The following ACBD6 variants were observed in gnomAD, a reference collection of about 807,000 sequenced individuals.
ACBD6 encodes acyl-CoA-binding domain-containing protein 6.
ACBD6 carries 28 observed loss-of-function variants against 37.2 expected under a neutral mutation model. The observed-to-expected ratio is 0.75, with a 90% CI of 0.56 to 1.03. The LOEUF is 1.03. ACBD6 is among the 50% of genes least tolerant of loss of function. ACBD6 has a pLI of 0.00. For synonymous variants in ACBD6, 113 were observed against 126.8 expected, an observed-to-expected ratio of 0.89 and a Z score of 0.73; for missense variants, 340 against 337.4, an observed-to-expected ratio of 1.01 and a Z score of -0.06.
At chr1:180,345,915 C>A (rs531560857) in intron 6 of ACBD6, among the ~76,000 whole-genome samples, 44 of 151,914 alleles carry the variant, frequency 2.9e-4, no homozygotes, top group Non-Finnish European at 5.3e-4. Flanking sequence ...ATTTTTAAAA[C>A]CTTGAAATTT....
At chr1:180,448,632 C>T (rs1649571097) in intron 3 of ACBD6, among the ~76,000 whole-genome samples, 1 of 152,154 alleles carries the variant, frequency 6.6e-6, no homozygotes, top group Non-Finnish European at 1.5e-5. Context: ...AGAGCCCAGG[C>T]AGCTCTAGAG....
At chr1:180,378,506 A>T (rs1322779506) in intron 6 of ACBD6, among the ~76,000 whole-genome samples, 2 of 152,236 alleles carry the variant, frequency 1.3e-5, no homozygotes, top group Non-Finnish European at 2.9e-5. Flanking sequence ...GTTATACAAG[A>T]AGTTAATTAT....
intron 7 of ACBD6, among the ~76,000 whole-genome samples, chr1:180,292,974 A>C (rs946450558): frequency 9.2e-5 from 14 of 152,234 alleles, no homozygotes; most frequent in Non-Finnish European, 1.9e-4. Context: ...TTTTCTACAT[A>C]AATTGATAAA....
chr1:180,492,242 G>A, intron 3 of ACBD6, 27 bp downstream of exon 3: 1 of 1,540,930 alleles, frequency 6.5e-7, no homozygotes, highest in Non-Finnish European at 9.0e-7. Flanking sequence ...TTTTTGGAAA[G>A]TATTATTTAT....
intron 11 of ACBD6, chr1:180,273,512 C>G (rs1275012013): frequency 1.3e-5 from 2 of 152,644 alleles, no homozygotes; most frequent in African/African-American, 4.8e-5. Context: ...CTGCTCACCT[C>G]TGTTGGAGAG....
At chr1:180,371,116 T>C (rs541050834) in intron 6 of ACBD6, among the ~76,000 whole-genome samples, 1 of 152,172 alleles carries the variant, frequency 6.6e-6, no homozygotes, top group East Asian at 1.9e-4. Flanking sequence ...GATTTGAATC[T>C]TGACTGTATA....
At chr1:180,381,289 C>T (rs76360870) in intron 6 of ACBD6, among the ~76,000 whole-genome samples, 2,993 of 152,212 alleles carry the variant, frequency 0.02, 99 homozygotes, top group African/African-American at 0.067. Context: ...ACACCATTTT[C>T]GCCACCAGAC....
chr1:180,326,296 T>C (rs938807990), intron 6 of ACBD6: 6 of 152,856 alleles, frequency 3.9e-5, no homozygotes, highest in Non-Finnish European at 8.7e-5. Flanking sequence ...CCACTCCCAG[T>C]TGCCACCACC....
chr1:180,274,538 C>G (rs550862818), intron 10 of ACBD6: 2 of 1,600,910 alleles, frequency 1.2e-6, no homozygotes, highest in South Asian at 2.2e-5. Context: ...TCCAACTAGC[C>G]CAGGCTCTTG....
rs146906663 is a variant in ACBD6, at chr1:180,410,229, A to G, written c.573+3137T>C. On this transcript the variant is annotated intron_variant, in intron 5 of 7. Transcript: ENST00000367595. ...AAAGGAAAGAGGCCATCTCCATAAC[A>G]TAAAAGTACAAGGTGAAGCACCAAG... Among the ~76,000 whole-genome samples, 831 of 152,352 alleles carry G rather than the reference A, an allele frequency of 5.5e-3. 5 individuals are homozygous for G. Among genetic ancestry groups the G allele is most frequent in the African/African-American group, 0.019 (785 of 41,590 alleles).
chr1:180,463,227 G>A (rs1470867506), intron 3 of ACBD6, among the ~76,000 whole-genome samples: 1 of 152,114 alleles, frequency 6.6e-6, no homozygotes, highest in Non-Finnish European at 1.5e-5. Context: ...CAAAATCAGA[G>A]CTGAACTGAA....
intron 6 of ACBD6, among the ~76,000 whole-genome samples, chr1:180,350,599 C>T (rs1189322372): frequency 6.6e-6 from 1 of 152,098 alleles, no homozygotes; most frequent in African/African-American, 2.4e-5. Flanking sequence ...CCACACTCAC[C>T]CAAATTCCTT....
chr1:180,463,146 A>G (rs1557881152), intron 3 of ACBD6, among the ~76,000 whole-genome samples: 2 of 152,140 alleles, frequency 1.3e-5, no homozygotes, highest in Non-Finnish European at 2.9e-5. Flanking sequence ...CAAGTTAACA[A>G]CCTAACAACT....
chr1:180,500,829 T>TA (rs397982142), intron 1 of ACBD6, among the ~76,000 whole-genome samples: 1,560 of 111,736 alleles, frequency 0.014, 45 homozygotes, highest in Admixed American at 0.045. Context: ...AGACCCTCTG[T>TA]AAAAAAAAAA....
intron 4 of ACBD6, among the ~76,000 whole-genome samples, chr1:180,416,213 A>T (rs1207310855): frequency 6.6e-6 from 1 of 152,122 alleles, no homozygotes; most frequent in Non-Finnish European, 1.5e-5. Context: ...TAGTGGCCAA[A>T]ATGAAGAAAC....
At chr1:180,480,876 C>T (rs893003744) in intron 3 of ACBD6, among the ~76,000 whole-genome samples, 9 of 151,828 alleles carry the variant, frequency 5.9e-5, no homozygotes, top group African/African-American at 1.9e-4. Flanking sequence ...ACTGAAAATA[C>T]AAAAATTAAC....
chr1:180,451,181 G>C (rs1649688157), intron 3 of ACBD6, among the ~76,000 whole-genome samples: 1 of 152,172 alleles, frequency 6.6e-6, no homozygotes, highest in Non-Finnish European at 1.5e-5. Context: ...TCAGGGAAAT[G>C]CAAATTGAAA....
At chr1:180,270,971 T>C (rs357043) in exon 14 of ACBD6, 197,427 of 303,522 alleles carry the variant, frequency 0.65, 65,382 homozygotes, top group South Asian at 0.73. Flanking sequence ...GGAGGGCATC[T>C]GGGGCGACTT....
At chr1:180,371,878 T>C (rs1271718645) in intron 6 of ACBD6, among the ~76,000 whole-genome samples, 3 of 152,150 alleles carry the variant, frequency 2.0e-5, no homozygotes, top group African/African-American at 2.4e-5. Flanking sequence ...GAAGAAATGA[T>C]AGTTTGGACT....
Sources: allele counts gnomAD v4.1 joint callset (sites outside exome capture counted in the v4.1 genomes callset), GRCh38; gene constraint gnomAD v4.1.1; transcripts MANE v1.5; gene names NCBI Gene and HGNC (gene_info 2026-07-23, HGNC 2026-07-21).